TTC12: variants seen among roughly 807,000 people sequenced by gnomAD.
TTC12 encodes the protein tetratricopeptide repeat domain 12.
TTC12 carries 70 observed loss-of-function variants against 90.1 expected under a neutral mutation model. That is an observed-to-expected ratio of 0.78 (90% CI 0.64 to 0.95). The LOEUF (loss-of-function observed/expected upper bound fraction) is 0.95, where lower values mean the gene tolerates loss of function less well. TTC12 is among the 40% of genes least tolerant of loss of function. The pLI is 0.00. For synonymous variants in TTC12, 296 were observed against 311.5 expected, an observed-to-expected ratio of 0.95 and a Z score of 0.53; for missense variants, 819 against 846.1, an observed-to-expected ratio of 0.97 and a Z score of 0.40.
At chr11:113,343,996 C>T (rs1382945339) in intron 12 of TTC12, among the ~76,000 whole-genome samples, 2 of 152,164 alleles carry the variant, frequency 1.3e-5, no homozygotes, top group African/African-American at 2.4e-5. Flanking sequence ...CAGTCATGTA[C>T]TAACTTATTT....
intron 18 of TTC12, 38 bp from the exon 19 acceptor site, chr11:113,362,363 A>C: frequency 6.7e-7 from 1 of 1,497,096 alleles, no homozygotes; most frequent in East Asian, 2.3e-5. Flanking sequence ...AGCATTTCTG[A>C]AAAGGACATT....
intron 7 of TTC12, among the ~76,000 whole-genome samples, chr11:113,330,648 G>A (rs901138737): frequency 1.3e-5 from 2 of 152,104 alleles, no homozygotes; most frequent in South Asian, 2.1e-4. Flanking sequence ...ACTCTGTCAC[G>A]GGGGTTTTAA....
chr11:113,324,437 A>G (rs1313311043), intron 4 of TTC12, among the ~76,000 whole-genome samples, 168 bp from the exon 5 acceptor site: 3 of 152,218 alleles, frequency 2.0e-5, no homozygotes, highest in African/African-American at 7.2e-5. Context: ...TTTAATGTCA[A>G]ATGAAGAAAA....
At chr11:113,364,735 C>T (rs748767641) in intron 20 of TTC12, 100 bp from the exon 21 acceptor site, 28 of 891,600 alleles carry the variant, frequency 3.1e-5, no homozygotes, top group Non-Finnish European at 4.3e-5. Flanking sequence ...TGGGGAAGCT[C>T]GGTGTCCGCT....
At chr11:113,362,303 A>C in intron 18 of TTC12, 98 bp from the exon 19 acceptor site, 1 of 806,504 alleles carries the variant, frequency 1.2e-6, no homozygotes, top group Admixed American at 2.2e-5. Flanking sequence ...CTTCCAATAT[A>C]ATGATTGCTT....
intron 14 of TTC12, among the ~76,000 whole-genome samples, chr11:113,350,881 G>A (rs899757665): frequency 6.6e-6 from 1 of 152,228 alleles, no homozygotes. Flanking sequence ...GCTCCGATGG[G>A]TAAACATGCT....
In TTC12 at chr11:113,366,284, A is replaced by G. The variant is rs1457233588; in HGVS notation, c.2102A>G (p.Tyr701Cys). Residue 701 changes from tyrosine to cysteine, a missense_variant, in exon 22 of 22, where the codon TAC becomes TGC. Physicochemically the swap from Tyr to Cys is radical, Grantham distance 194. Transcript: ENST00000529221. ...GLEILNSTMK[Y>C]ISDS ...GAAATTCTCAACTCTACGATGAAAT[A>G]CATCAGTGATTCTTGAGAGAGACAG... is the stretch of plus-strand genomic sequence containing the variant. 3.1e-6 allele frequency: 5 copies of G among 1,613,618 alleles called. No homozygotes were observed. The African/African-American group carries it at 5.3e-5, about 17-fold the overall frequency.
intron 12 of TTC12, among the ~76,000 whole-genome samples, 178 bp downstream of exon 12, chr11:113,342,103 C>G (rs924955924): frequency 6.6e-6 from 1 of 152,178 alleles, no homozygotes; most frequent in African/African-American, 2.4e-5. Context: ...AGATGAGGAG[C>G]AAGGTTGGGG....
intron 16 of TTC12, among the ~76,000 whole-genome samples, chr11:113,352,907 T>G (rs551956835): frequency 6.6e-6 from 1 of 152,344 alleles, no homozygotes; most frequent in African/African-American, 2.4e-5. Context: ...AGTGCTGCAG[T>G]GAACATATAT....
intron 16 of TTC12, among the ~76,000 whole-genome samples, chr11:113,358,383 C>A (rs1010164083): frequency 6.6e-6 from 1 of 152,144 alleles, no homozygotes; most frequent in South Asian, 2.1e-4. Context: ...TGATGGGGTA[C>A]TCTGCTGGTG....
In TTC12 at chr11:113,323,500, C is replaced by T. The variant is rs782116497; in HGVS notation, c.222+49C>T. 3.8e-6 allele frequency: 5 copies of T among 1,320,856 alleles called. No individual in the cohort carries two copies. The Admixed American group carries it at 1.3e-4, about 33-fold the overall frequency. 81.8% of individuals were successfully genotyped at this position (1,320,856 alleles called of 1,614,324 possible). A position where few individuals can be genotyped will look rare whatever the true frequency, so the allele number is the denominator to read the frequency against. The stretch of plus-strand genomic sequence containing the variant: ...ATATAAGTACTTACAGTGAGAAGAC[C>T]TACACCTAGGCAGTAGTTTAATCTC... On this transcript the variant is annotated intron_variant, in intron 3 of 21. Coordinates refer to ENST00000529221, the MANE Select transcript of TTC12 (RefSeq NM_017868.4).
downstream of TTC12, among the ~76,000 whole-genome samples, chr11:113,369,406 C>A (rs1336049441): frequency 2.0e-5 from 3 of 151,172 alleles, no homozygotes; most frequent in Admixed American, 6.6e-5. Context: ...CAGATGCGAG[C>A]CACCATGCCC....
chr11:113,364,462 T>G, intron 20 of TTC12: 1 of 301,750 alleles, frequency 3.3e-6, no homozygotes, highest in East Asian at 7.7e-5. Context: ...ACCCTGCAGG[T>G]GTAGGTTGCT....
At chr11:113,321,202 C>T (rs561855642) in intron 2 of TTC12, among the ~76,000 whole-genome samples, 25 of 152,116 alleles carry the variant, frequency 1.6e-4, no homozygotes, top group African/African-American at 5.6e-4. Flanking sequence ...ATACCATTCC[C>T]ATCCATTACA....
At chr11:113,369,768 T>C (rs1423471419), downstream of TTC12, among the ~76,000 whole-genome samples, 2 of 152,122 alleles carry the variant, frequency 1.3e-5, no homozygotes, top group African/African-American at 4.8e-5. Context: ...GTGGTTTGGA[T>C]ATAATATACA....
In TTC12 at chr11:113,351,319, C is replaced by T; in HGVS notation, c.1308+20C>T. 6.2e-7 allele frequency: 1 copy of T among 1,610,888 alleles called. No homozygotes were observed. Among genetic ancestry groups the T allele is most frequent in the Non-Finnish European group, 8.5e-7 (1 of 1,177,032 alleles). On this transcript the variant is annotated intron_variant, in intron 15 of 21. Transcript: ENST00000529221. ...GTTCTGGTGAGCAAACTGTCATTTT[C>T]ATCCTCTGTAACAGACACTCTCAGG...
intron 19 of TTC12, among the ~76,000 whole-genome samples, chr11:113,363,236 A>G (rs1350011457): frequency 6.6e-6 from 1 of 152,224 alleles, no homozygotes; most frequent in Non-Finnish European, 1.5e-5. Flanking sequence ...TTAGATTGCC[A>G]CTTGAACAAT....
intron 14 of TTC12, among the ~76,000 whole-genome samples, chr11:113,350,915 C>T (rs557342116): frequency 7.6e-4 from 115 of 152,304 alleles, no homozygotes; most frequent in Non-Finnish European, 3.4e-4. Context: ...CCTTCCGCAC[C>T]GCACACACAC....
rs776424629 is a variant in TTC12 at position 113,366,236 on chromosome 11, A to C, written c.2054A>C (p.Gln685Pro). The C allele has an allele frequency of 8.1e-6, 13 of 1,613,462 alleles. 1 individual carries two copies. In the South Asian group the frequency reaches 1.4e-4, roughly 18 times the overall value. ...TTTGATTGTGACAGATTTGCTGCTC[A>C]ACTGAGAAAGCTTCATGGCCTAGAA... ...LCTAEPRFAA[Q>P]LRKLHGLEIL... Residue 685 changes from glutamine (Q) to proline (P), a missense_variant, in exon 22 of 22, where the codon CAA (glutamine) becomes CCA (proline). By Grantham distance (76) the Gln-to-Pro change is moderately conservative. Transcript: ENST00000529221.
Sources: gnomAD v4.1 joint callset for allele counts (sites outside exome capture counted in the v4.1 genomes callset) on GRCh38, gnomAD v4.1.1 for gene constraint, MANE v1.5 for transcripts, NCBI Gene and HGNC (gene_info 2026-07-23, HGNC 2026-07-21) for gene names.